LOXHD1: variants seen among roughly 807,000 people sequenced by gnomAD.
The protein encoded by LOXHD1 is lipoxygenase homology PLAT domains 1, also known as lipoxygenase homology domain-containing protein 1.
Under a neutral mutation model 248.2 loss-of-function variants are expected in LOXHD1, and 205 were observed. The ratio of observed to expected loss-of-function variants is 0.83; its 90% confidence interval spans 0.74 to 0.93. LOXHD1 has a LOEUF of 0.93. Among genes scored for constraint, LOXHD1 ranks in the 40% least tolerant of loss-of-function variants. The pLI is 0.00. For synonymous variants in LOXHD1, 1,113 were observed against 1,162.8 expected (o/e 0.96, Z 0.87); for missense variants, 2,930 against 2,971.6 (o/e 0.99, Z 0.33).
At position 46,529,231 on chromosome 18, in the gene LOXHD1, C is replaced by A; in HGVS notation, c.4476G>T (p.Gly1492=). Residue 1492 remains glycine, a synonymous_variant, in exon 29 of 41, where the codon GGG becomes GGT. Coordinates refer to ENST00000642948, the MANE Select transcript of LOXHD1 (RefSeq NM_001384474.1). The part of the protein sequence containing the change: ...ITIYGDLGDT[G]ERYLGKSENR... ...TCTCTGACTTGCCAAGGTATCGCTC[C>A]CCAGTGTCCCCGAGGTCTCCATAGA... 1 of 1,551,608 alleles carries A rather than the reference C, an allele frequency of 6.4e-7. No individual in the cohort carries two copies. The highest frequency in any genetic ancestry group is 8.7e-7 in the Non-Finnish European group (1 of 1,146,974).
chr18:46,627,351 A>G (rs1014056402), intron 4 of LOXHD1, among the ~76,000 whole-genome samples: 2 of 152,134 alleles, frequency 1.3e-5, no homozygotes. Flanking sequence ...CTGGGCTCAC[A>G]CTGGCCAACA....
At chr18:46,600,249 A>T (rs1568210803) in intron 8 of LOXHD1, among the ~76,000 whole-genome samples, 2 of 152,234 alleles carry the variant, frequency 1.3e-5, no homozygotes, top group Non-Finnish European at 2.9e-5. Flanking sequence ...GAAGTGGATG[A>T]ACTACAGCTT....
At chr18:46,496,086 GA>G (rs2033848523) in intron 37 of LOXHD1, among the ~76,000 whole-genome samples, 1 of 152,100 alleles carries the variant, frequency 6.6e-6, no homozygotes, top group Non-Finnish European at 1.5e-5. Flanking sequence ...TGAAGTTTAG[GA>G]TTTGATTTTA....
rs75564649 is a variant in LOXHD1 at position 46,618,325 on chromosome 18, CA to C, written c.512-36del. The C allele has an allele frequency of 7.6e-3, 11,036 of 1,452,504 alleles. 462 individuals are homozygous for C. The African/African-American group carries it at 0.095, about 13-fold the overall frequency. The allele number at this position is 1,452,504 out of a possible 1,614,324, so 90.0% of individuals were successfully genotyped here. ...AGGAGAGAGAAAAACCTTAGCTCATCAGGATCCTGAAAAGAGAATAGAGGCC... is the reference window on the plus strand; with the variant it reads ...AGGAGAGAGAAAAACCTTAGCTCATCGGATCCTGAAAAGAGAATAGAGGCC... On this transcript the variant is annotated intron_variant, in intron 4 of 40. Transcript: ENST00000642948.
chr18:46,517,050 G>C (rs1027427580), intron 34 of LOXHD1, among the ~76,000 whole-genome samples: 1 of 152,190 alleles, frequency 6.6e-6, no homozygotes, highest in African/African-American at 2.4e-5. Context: ...AAAGGAAGCC[G>C]CCTGGGTCCT....
intron 5 of LOXHD1, among the ~76,000 whole-genome samples, chr18:46,617,712 C>G (rs751967972): frequency 4.6e-5 from 7 of 152,290 alleles, no homozygotes; most frequent in Admixed American, 2.6e-4. Flanking sequence ...CTCTCAACAC[C>G]TACAGCTGTG....
chr18:46,574,054 A>C (rs1338432403), intron 14 of LOXHD1, among the ~76,000 whole-genome samples: 1 of 152,054 alleles, frequency 6.6e-6, no homozygotes, highest in East Asian at 1.9e-4. Flanking sequence ...GAAGGTTGAG[A>C]AGTAGGCCTG....
chr18:46,483,908 G>A (rs1222758987), intron 39 of LOXHD1, among the ~76,000 whole-genome samples, 163 bp from the exon 40 acceptor site: 9 of 152,142 alleles, frequency 5.9e-5, no homozygotes, highest in Admixed American at 5.9e-4. Flanking sequence ...GTTCAGTTCA[G>A]TTTGGGACCA....
chr18:46,617,609 ATG>A (rs148828037), intron 5 of LOXHD1, among the ~76,000 whole-genome samples: 1,776 of 151,394 alleles, frequency 0.012, 28 homozygotes, highest in African/African-American at 0.04. Flanking sequence ...CAAAATTCAC[ATG>A]TCTTTGTAGC....
chr18:46,494,845 C>CTTTTTTTTTTT (rs1262291195), intron 37 of LOXHD1, among the ~76,000 whole-genome samples: 1 of 124,922 alleles, frequency 8.0e-6, no homozygotes, highest in Non-Finnish European at 1.7e-5. Context: ...CTTTTTCTCT[C>CTTTTTTTTTTT]TCTCTTTTTT....
rs2039191844 is a variant in LOXHD1 at position 46,656,995 on chromosome 18, G to T, written c.39C>A (p.Ile13=). The change falls in exon 1 of 41, where the codon ATC becomes ATA. Residue 13 remains isoleucine, a synonymous_variant. Coordinates refer to ENST00000642948, the MANE Select transcript of LOXHD1 (RefSeq NM_001384474.1). ...CCGCTTCGTACAGGGCCAGGAAGTC[G>T]ATGTCCTTCTTCCTCCGCCTTTTCT... is the stretch of plus-strand genomic sequence containing the variant. ...PQKKRRRKKD[I]DFLALYEAEL... The T allele has an allele frequency of 6.4e-7, 1 of 1,551,492 alleles. No homozygotes were observed. Among genetic ancestry groups the T allele is most frequent in the Non-Finnish European group, 8.7e-7 (1 of 1,146,926 alleles).
chr18:46,550,871 A>G (rs1207199822), intron 21 of LOXHD1, among the ~76,000 whole-genome samples: 1 of 152,152 alleles, frequency 6.6e-6, no homozygotes, highest in Non-Finnish European at 1.5e-5. Context: ...AATTGAAGTG[A>G]TAAGGATGGA....
At chr18:46,608,084 G>GGAAGGAAGGAAA (rs1568214574) in intron 6 of LOXHD1, among the ~76,000 whole-genome samples, 2 of 146,530 alleles carry the variant, frequency 1.4e-5, no homozygotes, top group African/African-American at 2.6e-5. Flanking sequence ...AAGGAAGGGA[G>GGAAGGAAGGAAA]GAAGGAAGGG....
At chr18:46,485,236 G>A in intron 38 of LOXHD1, 85 bp from the exon 39 acceptor site, 1 of 1,477,914 alleles carries the variant, frequency 6.8e-7, no homozygotes, top group Admixed American at 2.1e-5. Context: ...ACGGCCTCCG[G>A]TCCTTCATTT....
In LOXHD1 at chr18:46,507,162, A is replaced by G. The variant is rs576616984; in HGVS notation, c.5692+376T>C. Among the ~76,000 whole-genome samples the G allele has an allele frequency of 4.4e-4, 67 of 152,332 alleles. No individual in the cohort carries two copies. In the South Asian group the frequency reaches 0.013, roughly 30 times the overall value. On this transcript the variant is annotated intron_variant, in intron 36 of 40. Transcript: ENST00000642948. ...CCTAAGACCCACAGCCAAAGCCGGCACATGGTAGATGGCCACCAAGCACAT... is the reference window on the plus strand; with the variant it reads ...CCTAAGACCCACAGCCAAAGCCGGCGCATGGTAGATGGCCACCAAGCACAT...
At chr18:46,578,405 G>A (rs987071904) in intron 13 of LOXHD1, among the ~76,000 whole-genome samples, 3 of 152,216 alleles carry the variant, frequency 2.0e-5, no homozygotes, top group Non-Finnish European at 4.4e-5. Flanking sequence ...AGAAGATGTA[G>A]GAGTAAAGAG....
chr18:46,541,141 A>G (rs950808979), intron 25 of LOXHD1, among the ~76,000 whole-genome samples: 18 of 152,208 alleles, frequency 1.2e-4, no homozygotes, highest in Non-Finnish European at 2.1e-4. Context: ...AACATTTAAT[A>G]CATTCTTTCT....
At chr18:46,480,393 C>T (rs566828967) in intron 40 of LOXHD1, among the ~76,000 whole-genome samples, 5 of 152,258 alleles carry the variant, frequency 3.3e-5, no homozygotes, top group East Asian at 1.9e-4. Flanking sequence ...CTTTACAAAA[C>T]GGCATCACAT....
chr18:46,543,736 T>C (rs143760860), intron 23 of LOXHD1, among the ~76,000 whole-genome samples: 2 of 152,292 alleles, frequency 1.3e-5, no homozygotes, highest in Non-Finnish European at 2.9e-5. Context: ...TTGAAAGAGA[T>C]ACCTTACTCA....
Sources: gnomAD v4.1 joint callset for allele counts (sites outside exome capture counted in the v4.1 genomes callset) on GRCh38, gnomAD v4.1.1 for gene constraint, MANE v1.5 for transcripts, NCBI Gene and HGNC (gene_info 2026-07-23, HGNC 2026-07-21) for gene names.